The following DRD3 variants were observed in gnomAD, a reference collection of about 807,000 sequenced individuals.
DRD3 encodes the protein D(3) dopamine receptor.
Under a neutral mutation model 36.3 loss-of-function variants are expected in DRD3, and 19 were observed. The ratio of observed to expected loss-of-function variants is 0.52; its 90% CI spans 0.36 to 0.77. The LOEUF (loss-of-function observed/expected upper bound fraction) is 0.77, where lower values mean the gene tolerates loss of function less well. DRD3 is among the 30% of genes least tolerant of loss of function. The pLI is 0.00. For missense variants in DRD3, 465 were observed against 505.3 expected, an observed-to-expected ratio of 0.92 and a Z score of 0.77; for synonymous variants, 195 against 203.7, an observed-to-expected ratio of 0.96 and a Z score of 0.36.
intron 3 of DRD3, among the ~76,000 whole-genome samples, chr3:114,152,808 C>T (rs577236386): frequency 1.0e-3 from 157 of 152,408 alleles, no homozygotes; most frequent in African/African-American, 3.5e-3. Context: ...TTGCACGTGA[C>T]CGACTGCAGG....
At chr3:114,188,313 G>A (rs1196790125) in intron 1 of DRD3, among the ~76,000 whole-genome samples, 1 of 147,346 alleles carries the variant, frequency 6.8e-6, no homozygotes, top group Non-Finnish European at 1.5e-5. Context: ...TCAAGTTCAA[G>A]TGATTCTTGT....
At chr3:114,194,306 A>G (rs2078026138) in intron 1 of DRD3, among the ~76,000 whole-genome samples, 1 of 152,082 alleles carries the variant, frequency 6.6e-6, no homozygotes, top group South Asian at 2.1e-4. Flanking sequence ...TTTTTGAGAC[A>G]GAGTCTCAGT....
At chr3:114,152,736 T>G (rs1178940483) in intron 3 of DRD3, among the ~76,000 whole-genome samples, 1 of 152,196 alleles carries the variant, frequency 6.6e-6, no homozygotes, top group Non-Finnish European at 1.5e-5. Context: ...CCTGGAACCC[T>G]GCAGGGACCC....
At chr3:114,150,628 A>G (rs1034344448) in intron 3 of DRD3, among the ~76,000 whole-genome samples, 1 of 152,218 alleles carries the variant, frequency 6.6e-6, no homozygotes, top group Non-Finnish European at 1.5e-5. Context: ...GGCCAGGCTC[A>G]GGGATCTAAG....
rs139575802 is a variant in DRD3 at position 114,174,386 on chromosome 3, G to A, written c.-35-2359C>T. ...CCTCTCACCTGCCACGTAAGAGGGA[G>A]GCATAAAACCTTAGGATACTTGTTA... On this transcript the variant is annotated intron_variant, in intron 1 of 6. Transcript: ENST00000383673. Among the ~76,000 whole-genome samples, 23 of 152,248 alleles carry A rather than the reference G, an allele frequency of 1.5e-4. No individual in the cohort carries two copies. The East Asian group carries it at 4.4e-3, about 29-fold the overall frequency.
At chr3:114,140,609 C>T (rs754085763) in intron 4 of DRD3, among the ~76,000 whole-genome samples, 5 of 152,196 alleles carry the variant, frequency 3.3e-5, no homozygotes, top group Admixed American at 6.5e-5. Context: ...TCTCTCTTTT[C>T]GGATGAGCAG....
intron 2 of DRD3, among the ~76,000 whole-genome samples, chr3:114,170,149 C>T (rs1350479945): frequency 6.6e-5 from 10 of 152,086 alleles, no homozygotes; most frequent in Admixed American, 4.6e-4. Flanking sequence ...TCACATGCTT[C>T]GAAATTTTTT....
chr3:114,134,875 G>T (rs1342619037), intron 5 of DRD3, among the ~76,000 whole-genome samples: 1 of 152,186 alleles, frequency 6.6e-6, no homozygotes, highest in African/African-American at 2.4e-5. Flanking sequence ...AATGTGTAAT[G>T]ATCAAATCAG....
At chr3:114,172,476 G>A (rs1366302242) in intron 1 of DRD3, among the ~76,000 whole-genome samples, 2 of 152,292 alleles carry the variant, frequency 1.3e-5, no homozygotes, top group African/African-American at 4.8e-5. Flanking sequence ...AGAACAACAC[G>A]GGCCAGCAGG....
At chr3:114,182,747 T>A (rs1431131265), upstream of DRD3, among the ~76,000 whole-genome samples, 4 of 152,154 alleles carry the variant, frequency 2.6e-5, no homozygotes, top group Non-Finnish European at 4.4e-5. Flanking sequence ...AGTGGAATCC[T>A]ACTATATTTG....
At chr3:114,177,186 C>T (rs193160916) in intron 1 of DRD3, among the ~76,000 whole-genome samples, 1 of 152,286 alleles carries the variant, frequency 6.6e-6, no homozygotes, top group African/African-American at 2.4e-5. Flanking sequence ...GTGCACACTG[C>T]TCATAGAGCC....
chr3:114,147,697 T>A, intron 3 of DRD3, 140 bp from the exon 4 acceptor site: 1 of 972,980 alleles, frequency 1.0e-6, no homozygotes, highest in Non-Finnish European at 1.5e-6. Flanking sequence ...TGATTACTGT[T>A]CACTGCAGTT....
intron 3 of DRD3, among the ~76,000 whole-genome samples, chr3:114,148,174 G>T (rs2077585498): frequency 6.6e-6 from 1 of 152,140 alleles, no homozygotes; most frequent in Non-Finnish European, 1.5e-5. Context: ...TTCTTTATCG[G>T]TTCTACCTGA....
At chr3:114,190,434 A>G (rs1576093261) in intron 1 of DRD3, among the ~76,000 whole-genome samples, 3 of 10,208 alleles carry the variant, frequency 2.9e-4, no homozygotes, top group South Asian at 3.0e-3. Context: ...ATATATATAT[A>G]TATATATATA....
At chr3:114,154,866 A>T (rs1040449488) in intron 3 of DRD3, among the ~76,000 whole-genome samples, 1 of 152,004 alleles carries the variant, frequency 6.6e-6, no homozygotes, top group African/African-American at 2.4e-5. Flanking sequence ...TGGACCCAGG[A>T]TGTGATGGGA....
intron 6 of DRD3, 76 bp from the exon 7 acceptor site, chr3:114,128,988 G>A (rs536822522): frequency 4.7e-5 from 67 of 1,418,172 alleles, no homozygotes; most frequent in African/African-American, 1.0e-4. Context: ...AATGACTCAC[G>A]GTTGTCTACT....
chr3:114,189,217 C>A (rs2077990743), intron 1 of DRD3, among the ~76,000 whole-genome samples: 1 of 152,058 alleles, frequency 6.6e-6, no homozygotes, highest in Non-Finnish European at 1.5e-5. Context: ...CCTTTTACTA[C>A]TATTAATATC....
At chr3:114,185,641 A>T (rs6804925) in intron 1 of DRD3, among the ~76,000 whole-genome samples, 21,850 of 151,854 alleles carry the variant, frequency 0.14, 1,855 homozygotes, top group East Asian at 0.23. Context: ...AAAAAATTGA[A>T]TGTGCCATAC....
At chr3:114,175,095 C>T (rs763247217) in intron 1 of DRD3, among the ~76,000 whole-genome samples, 24 of 152,008 alleles carry the variant, frequency 1.6e-4, no homozygotes, top group African/African-American at 5.6e-4. Context: ...TTAACAGCAT[C>T]CTTTACATAT....
Sources: allele counts gnomAD v4.1 joint callset (sites outside exome capture counted in the v4.1 genomes callset), GRCh38; gene constraint gnomAD v4.1.1; transcripts MANE v1.5; gene names NCBI Gene and HGNC (gene_info 2026-07-23, HGNC 2026-07-21).